The following ZDHHC17 variants were observed in gnomAD, a reference collection of about 807,000 sequenced individuals.
The protein encoded by ZDHHC17 is palmitoyltransferase ZDHHC17.
A neutral mutation model predicts 90.3 loss-of-function variants in ZDHHC17; 40 were observed. The observed-to-expected ratio is 0.44, with a 90% confidence interval of 0.34 to 0.58. The LOEUF (loss-of-function observed/expected upper bound fraction) is 0.58, where lower values mean the gene tolerates loss of function less well. Among genes scored for constraint, ZDHHC17 ranks in the 20% least tolerant of loss-of-function variants. The probability of loss-of-function intolerance (pLI) is 0.01; values close to 1 mark genes in which losing one functional copy is unlikely to be tolerated. For missense variants in ZDHHC17, 614 were observed against 780.8 expected, an observed-to-expected ratio of 0.79 and a Z score of 2.55; for synonymous variants, 235 against 252.4, an observed-to-expected ratio of 0.93 and a Z score of 0.65.
intron 14 of ZDHHC17, 140 bp from the exon 15 acceptor site, chr12:76,848,093 A>G: frequency 1.3e-6 from 1 of 795,350 alleles, no homozygotes; most frequent in East Asian, 2.7e-5. Flanking sequence ...ATTTAAGAGT[A>G]TAAAGACATT....
chr12:76,768,492 A>C (rs1169896916), intron 1 of ZDHHC17, among the ~76,000 whole-genome samples: 1 of 152,256 alleles, frequency 6.6e-6, no homozygotes, highest in Non-Finnish European at 1.5e-5. Context: ...AAAAGATAGC[A>C]TATGTTTTCC....
intron 9 of ZDHHC17, 118 bp downstream of exon 9, chr12:76,827,168 T>C: frequency 8.7e-7 from 1 of 1,155,394 alleles, no homozygotes; most frequent in East Asian, 3.2e-5. Flanking sequence ...TTAAATAATT[T>C]AGACATCTGT....
chr12:76,818,299 A>T (rs1290059249), intron 7 of ZDHHC17, among the ~76,000 whole-genome samples: 1 of 152,196 alleles, frequency 6.6e-6, no homozygotes, highest in Non-Finnish European at 1.5e-5. Flanking sequence ...AAAAATGGGG[A>T]TCTGCCTCAG....
At chr12:76,815,235 A>AT in intron 6 of ZDHHC17, 25 bp downstream of exon 6, 1 of 1,479,824 alleles carries the variant, frequency 6.8e-7, no homozygotes. Flanking sequence ...TAAAAAACTT[A>AT]TTTAGGCCAT....
At chr12:76,806,083 T>G (rs893429675) in intron 3 of ZDHHC17, among the ~76,000 whole-genome samples, 1 of 152,156 alleles carries the variant, frequency 6.6e-6, no homozygotes, top group African/African-American at 2.4e-5. Context: ...GGACACAAAA[T>G]ATTTACAGAA....
chr12:76,764,943 A>G (rs1247624850), intron 1 of ZDHHC17: 3 of 437,628 alleles, frequency 6.9e-6, no homozygotes, highest in Non-Finnish European at 9.2e-6. Flanking sequence ...TTGTCAAAGT[A>G]CCGTTTTTCT....
chr12:76,810,869 T>C (rs759032062), intron 5 of ZDHHC17, among the ~76,000 whole-genome samples: 3 of 152,188 alleles, frequency 2.0e-5, no homozygotes, highest in Non-Finnish European at 4.4e-5. Context: ...TTGACTGAGC[T>C]GGAAGATTGG....
intron 1 of ZDHHC17, among the ~76,000 whole-genome samples, chr12:76,795,217 G>GGTGTGTGT (rs71085456): frequency 3.4e-5 from 5 of 148,636 alleles, no homozygotes; most frequent in Admixed American, 6.7e-5. Flanking sequence ...TTGGTTCATG[G>GGTGTGTGT]GTGTGTGTGT....
chr12:76,770,231 C>G (rs968624198), intron 1 of ZDHHC17, among the ~76,000 whole-genome samples: 2 of 152,054 alleles, frequency 1.3e-5, no homozygotes, highest in African/African-American at 2.4e-5. Context: ...AAAGTAGTAC[C>G]TCAAATTGAT....
chr12:76,764,703 C>T, intron 1 of ZDHHC17: 2 of 490,974 alleles, frequency 4.1e-6, no homozygotes, highest in Admixed American at 2.3e-5. Context: ...GGTGGAAGCG[C>T]GTCTGGTTTT....
chr12:76,824,126 C>A (rs1953202244), intron 8 of ZDHHC17, among the ~76,000 whole-genome samples: 1 of 151,996 alleles, frequency 6.6e-6, no homozygotes, highest in Admixed American at 6.6e-5. Flanking sequence ...AAATGACTTA[C>A]AAATTTTAGA....
In ZDHHC17 at chr12:76,842,777, A is replaced by G. The variant is rs1953451190; in HGVS notation, c.1267-142A>G. ...TCTTCTTGCAATGAAATAGCAGTAA[A>G]TAAAAGATTTTATTTCTCTTTTTGA... On this transcript the variant is annotated intron_variant, in intron 11 of 16. Transcript: ENST00000426126. 15 of 609,948 alleles carry G rather than the reference A, an allele frequency of 2.5e-5. No individual in the cohort carries two copies. The South Asian group carries it at 3.3e-4, about 13-fold the overall frequency. The allele number at this position is 609,948 out of a possible 1,614,324, so 37.8% of individuals were successfully genotyped here. A position where few individuals can be genotyped will look rare whatever the true frequency, so the allele number is the denominator to read the frequency against.
At chr12:76,814,230 G>A (rs953270210) in intron 5 of ZDHHC17, among the ~76,000 whole-genome samples, 2 of 151,782 alleles carry the variant, frequency 1.3e-5, no homozygotes, top group African/African-American at 2.4e-5. Context: ...AAAGAGTTTC[G>A]GTTTAATAGG....
At chr12:76,808,214 A>G (rs961187023) in intron 3 of ZDHHC17, among the ~76,000 whole-genome samples, 1 of 152,234 alleles carries the variant, frequency 6.6e-6, no homozygotes, top group Non-Finnish European at 1.5e-5. Flanking sequence ...AAGAGTATAC[A>G]TATGTCAAGT....
chr12:76,821,615 A>G (rs570507280), intron 7 of ZDHHC17, among the ~76,000 whole-genome samples: 1 of 152,282 alleles, frequency 6.6e-6, no homozygotes, highest in East Asian at 1.9e-4. Context: ...TATTTGAAGA[A>G]GTAGATAAAT....
Position 76,822,436 on chromosome 12 carries a change from A to G in ZDHHC17, c.802A>G (p.Arg268Gly). 6.2e-7 allele frequency: 1 copy of G among 1,613,962 alleles called. No individual in the cohort carries two copies. Among genetic ancestry groups the G allele is most frequent in the Non-Finnish European group, 8.5e-7 (1 of 1,179,874 alleles). ...ATCAGCGCTTGATTTGGCAAAACAG[A>G]GAAAAAATGTGTGGATGATCAACCA... ...GESALDLAKQ[R>G]KNVWMINHLQ... Residue 268 changes from arginine (R) to glycine (G), a missense_variant, in exon 8 of 17, where the codon AGA (arginine) becomes GGA (glycine). Physicochemically the swap from Arg to Gly is moderately radical, Grantham distance 125. Transcript: ENST00000426126.
chr12:76,788,822 G>A (rs1045312088), intron 1 of ZDHHC17, among the ~76,000 whole-genome samples: 2 of 150,384 alleles, frequency 1.3e-5, no homozygotes, highest in Non-Finnish European at 2.9e-5. Flanking sequence ...TCAGCCTGTC[G>A]AGTGGCTGGG....
chr12:76,793,964 C>T (rs1008793729), intron 1 of ZDHHC17, among the ~76,000 whole-genome samples: 2 of 152,146 alleles, frequency 1.3e-5, no homozygotes, highest in African/African-American at 4.8e-5. Flanking sequence ...TGGCTCACTG[C>T]AAGCTCCACC....
chr12:76,781,982 A>G (rs1032616478), intron 1 of ZDHHC17, among the ~76,000 whole-genome samples: 3 of 152,228 alleles, frequency 2.0e-5, no homozygotes, highest in Non-Finnish European at 4.4e-5. Flanking sequence ...TGGAGCCTAA[A>G]GCTAAGGATA....
Sources: gnomAD v4.1 joint callset for allele counts (sites outside exome capture counted in the v4.1 genomes callset) on GRCh38, gnomAD v4.1.1 for gene constraint, MANE v1.5 for transcripts, NCBI Gene and HGNC (gene_info 2026-07-23, HGNC 2026-07-21) for gene names.